Variants in NCOA1 observed in about 807,000 individuals in gnomAD.
NCOA1 encodes the protein nuclear receptor coactivator 1.
A neutral mutation model predicts 150.9 loss-of-function variants in NCOA1; 35 were observed. That is an observed-to-expected ratio of 0.23 (90% CI 0.18 to 0.31). The LOEUF is 0.31. Among genes scored for constraint, NCOA1 ranks in the 10% least tolerant of loss-of-function variants. The probability of loss-of-function intolerance (pLI) is 1.00; values close to 1 mark genes in which losing one functional copy is unlikely to be tolerated. For synonymous variants in NCOA1, 590 were observed against 630.0 expected (o/e 0.94, Z 0.95); for missense variants, 1,491 against 1,749.3 (o/e 0.85, Z 2.63).
chr2:24,707,037 A>G lies in NCOA1; in HGVS notation c.1567A>G (p.Ser523Gly), dbSNP rs763934574. The change falls in exon 13 of 23, where the codon AGT becomes GGT. Residue 523 changes from serine (S) to glycine (G), a missense_variant. Around this residue, in one of 8 missense-constraint regions of NCOA1, gnomAD observed 703 missense variants for 717.7 expected, o/e 0.98. Transcript: ENST00000348332. ...STLSSPVGMT[S>G]SACNNNNRSY... is the part of the protein sequence containing the mutation. Reference sequence around the variant, plus strand: ...ATTAAGCTCTCCCGTTGGCATGACAAGTAGTGCCTGTAATAATAATAACCG... The same window carrying G: ...ATTAAGCTCTCCCGTTGGCATGACAGGTAGTGCCTGTAATAATAATAACCG... 34 of 1,614,112 alleles carry G rather than the reference A, an allele frequency of 2.1e-5. No homozygotes were observed. Among genetic ancestry groups the G allele is most frequent in the African/African-American group, 1.2e-4 (9 of 74,934 alleles).
intron 1 of NCOA1, among the ~76,000 whole-genome samples, chr2:24,537,239 T>TAC (rs36086647): frequency 0.053 from 7,953 of 148,698 alleles, 283 homozygotes; most frequent in African/African-American, 0.12. Context: ...CTGTGATACA[T>TAC]ACACACACAC....
intron 6 of NCOA1, among the ~76,000 whole-genome samples, chr2:24,669,538 AAT>A (rs1671591731): frequency 6.6e-6 from 1 of 152,210 alleles, no homozygotes; most frequent in Non-Finnish European, 1.5e-5. Flanking sequence ...AAAATTATTT[AAT>A]CTACTTGAAC....
chr2:24,683,280 T>C, intron 8 of NCOA1, 152 bp downstream of exon 8: 2 of 460,376 alleles, frequency 4.3e-6, no homozygotes, highest in Non-Finnish European at 6.7e-6. Context: ...GGTTTCAGTC[T>C]CAGATATAAA....
At position 24,639,937 on chromosome 2, in the gene NCOA1, T is replaced by TGC. The variant is rs1358457515; in HGVS notation, c.-174-4029_-174-4028insGC. 7.5e-5 allele frequency among the ~76,000 whole-genome samples: 2 copies of TGC among 26,520 alleles called. 1 individual carries two copies. The highest frequency in any genetic ancestry group is 1.9e-4 in the African/African-American group (2 of 10,542). The allele number at this position is 26,520 out of a possible 152,430, so 17.4% of individuals were successfully genotyped here. On this transcript the variant is annotated intron_variant, in intron 3 of 22. Transcript: ENST00000348332. The stretch of plus-strand genomic sequence containing the variant: ...GTGTGTATATATATATATATATATA[T>TGC]ATATATATATATATATATATATATA...
At chr2:24,505,049 A>G (rs547213331) in intron 1 of NCOA1, among the ~76,000 whole-genome samples, 1 of 152,256 alleles carries the variant, frequency 6.6e-6, no homozygotes, top group South Asian at 2.1e-4. Flanking sequence ...GGTGTTGGCC[A>G]AGTTTGCAGA....
chr2:24,729,681 G>A lies in NCOA1; in HGVS notation c.3067G>A (p.Val1023Ile), dbSNP rs1210665258. 2 of 1,614,162 alleles carry A rather than the reference G, an allele frequency of 1.2e-6. No individual in the cohort carries two copies. Among genetic ancestry groups the A allele is most frequent in the South Asian group, 2.2e-5 (2 of 91,084 alleles). ...AAAACCTTCACTGGGGACGATGCCT[G>A]TTCAAGTAACACCTCCCCGAGGTGC... is the stretch of plus-strand genomic sequence containing the variant. Reference protein sequence around the residue: ...RQKPSLGTMPVQVTPPRGAFS... With the variant: ...RQKPSLGTMPIQVTPPRGAFS... Residue 1023 changes from valine to isoleucine, a missense_variant, in exon 17 of 23, where the codon GTT becomes ATT. Transcript: ENST00000348332.
At chr2:24,555,798 A>G (rs897088893) in intron 1 of NCOA1, among the ~76,000 whole-genome samples, 1 of 151,986 alleles carries the variant, frequency 6.6e-6, no homozygotes, top group Non-Finnish European at 1.5e-5. Flanking sequence ...TATCCTTTTT[A>G]CTTAACTTTT....
chr2:24,749,560 G>A lies in NCOA1; in HGVS notation c.3707-2422G>A, dbSNP rs528447551. Among the ~76,000 whole-genome samples, 88 of 152,278 alleles carry A rather than the reference G, an allele frequency of 5.8e-4. 1 individual carries two copies. The highest frequency in any genetic ancestry group is 2.0e-3 in the African/African-American group (83 of 41,538). ...AGTAGAAAACCTCATAATTCAGGGG[G>A]TATCAAGTAGAACACTCAGAGATGG... is the stretch of plus-strand genomic sequence containing the variant. On this transcript the variant is annotated intron_variant, in intron 19 of 22. Coordinates refer to ENST00000348332, the MANE Select transcript of NCOA1 (RefSeq NM_003743.5).
intron 4 of NCOA1, among the ~76,000 whole-genome samples, chr2:24,656,835 A>G (rs1317230890): frequency 3.3e-5 from 5 of 152,180 alleles, no homozygotes; most frequent in Admixed American, 1.3e-4. Flanking sequence ...CACTGTGTAT[A>G]TATACCACAT....
intron 17 of NCOA1, 119 bp downstream of exon 17, chr2:24,729,934 C>A (rs1368154254): frequency 9.3e-7 from 1 of 1,076,680 alleles, no homozygotes; most frequent in African/African-American, 1.6e-5. Context: ...CAACCGCCGC[C>A]TCCCAGGTTC....
In NCOA1 at chr2:24,706,911, A is replaced by G. The variant is rs1413675422; in HGVS notation, c.1441A>G (p.Ile481Val). Reference sequence around the variant, plus strand: ...TAATTCTCCTATGGAAGGTACAGGAATATCCCTAGCACAGTTCATGTCTCC... The same window carrying G: ...TAATTCTCCTATGGAAGGTACAGGAGTATCCCTAGCACAGTTCATGTCTCC... Reference protein sequence around the residue: ...LNNSPMEGTGISLAQFMSPRR... With the variant: ...LNNSPMEGTGVSLAQFMSPRR... The change falls in exon 13 of 23, where the codon ATA becomes GTA. Residue 481 changes from isoleucine (I) to valine (V), a missense_variant. Ile to Val is a conservative substitution (Grantham distance 29). Coordinates refer to ENST00000348332, the MANE Select transcript of NCOA1 (RefSeq NM_003743.5). The G allele has an allele frequency of 1.2e-6, 2 of 1,614,200 alleles. No homozygotes were observed. Among genetic ancestry groups the G allele is most frequent in the Admixed American group, 1.7e-5 (1 of 60,020 alleles).
intron 16 of NCOA1, among the ~76,000 whole-genome samples, chr2:24,729,207 T>C (rs899980566): frequency 2.0e-5 from 3 of 152,226 alleles, no homozygotes; most frequent in Non-Finnish European, 2.9e-5. Flanking sequence ...ATGTAAAGTT[T>C]ATTGATTCTT....
chr2:24,743,368 A>G (rs1663706962), intron 19 of NCOA1, among the ~76,000 whole-genome samples: 2 of 152,220 alleles, frequency 1.3e-5, no homozygotes, highest in South Asian at 4.1e-4. Context: ...GCAAATACTA[A>G]AATCCTTTGA....
intron 2 of NCOA1, among the ~76,000 whole-genome samples, chr2:24,569,825 G>A (rs1207524734): frequency 1.3e-5 from 2 of 148,148 alleles, no homozygotes; most frequent in Non-Finnish European, 3.0e-5. Flanking sequence ...AGCCAAGATC[G>A]CGCCACTGCA....
chr2:24,695,639 G>A (rs190801244), intron 10 of NCOA1, among the ~76,000 whole-genome samples: 5 of 152,050 alleles, frequency 3.3e-5, no homozygotes, highest in African/African-American at 1.2e-4. Flanking sequence ...CTCTTCATGG[G>A]ATGATCCATA....
chr2:24,616,834 T>C (rs1427219727), intron 3 of NCOA1, among the ~76,000 whole-genome samples: 1 of 152,188 alleles, frequency 6.6e-6, no homozygotes, highest in African/African-American at 2.4e-5. Flanking sequence ...CTTAAGCTCT[T>C]AATCCCTGAG....
In NCOA1 at chr2:24,491,306, A is replaced by C. The variant is rs1662941798; in HGVS notation, c.-692A>C. ...CATGGCGGCCGCGGAGAGCGGCTGAAATGCCTGTTCTTCAGGCCGGGCGAG... is the reference window on the plus strand; with the variant it reads ...CATGGCGGCCGCGGAGAGCGGCTGACATGCCTGTTCTTCAGGCCGGGCGAG... On this transcript the variant is annotated 5_prime_UTR_variant, in exon 1 of 23. Transcript: ENST00000348332. 6.9e-6 allele frequency among the ~76,000 whole-genome samples: 1 copy of C among 145,860 alleles called. No individual in the cohort carries two copies. Among genetic ancestry groups the C allele is most frequent in the East Asian group, 2.0e-4 (1 of 4,926 alleles).
chr2:24,518,274 A>C (rs62140848), intron 1 of NCOA1, among the ~76,000 whole-genome samples: 22,563 of 152,142 alleles, frequency 0.15, 2,022 homozygotes, highest in Non-Finnish European at 0.2. Context: ...ATTTGATAAA[A>C]ATTCAGCAAA....
intron 1 of NCOA1, among the ~76,000 whole-genome samples, chr2:24,503,966 C>T (rs1218185377): frequency 6.6e-6 from 1 of 152,076 alleles, no homozygotes; most frequent in African/African-American, 2.4e-5. Context: ...AACTCCTGAC[C>T]TCAGGTAATC....
Sources: gnomAD v4.1 joint callset for allele counts (sites outside exome capture counted in the v4.1 genomes callset) on GRCh38, gnomAD v4.1.1 for gene constraint, gnomAD v4.1.1 regional missense constraint, MANE v1.5 for transcripts, NCBI Gene and HGNC (gene_info 2026-07-23, HGNC 2026-07-21) for gene names.